The following KCNK1 variants were observed in gnomAD, a reference collection of about 807,000 sequenced individuals.
KCNK1 encodes potassium two pore domain channel subfamily K member 1.
KCNK1 carries 10 observed loss-of-function variants against 22.2 expected under a neutral mutation model. That is an observed-to-expected ratio of 0.45 (90% CI 0.28 to 0.76). The LOEUF (loss-of-function observed/expected upper bound fraction) is 0.76. KCNK1 is among the 30% of genes least tolerant of loss of function. KCNK1 has a pLI of 0.14. For synonymous variants in KCNK1, 200 were observed against 186.4 expected (o/e 1.07, Z -0.60); for missense variants, 378 against 421.0 (o/e 0.90, Z 0.89).
intron 1 of KCNK1, chr1:233,631,275 C>T (rs1478405895): frequency 3.8e-6 from 2 of 531,314 alleles, no homozygotes; most frequent in Non-Finnish European, 7.7e-6. Flanking sequence ...CTGACAACAT[C>T]AAGATATGAA....
chr1:233,650,882 G>A (rs79023372), intron 1 of KCNK1, among the ~76,000 whole-genome samples: 2,662 of 152,098 alleles, frequency 0.018, 76 homozygotes, highest in East Asian at 0.14. Context: ...CAAAATGGAC[G>A]CCACGTTTCC....
intron 1 of KCNK1, among the ~76,000 whole-genome samples, chr1:233,652,550 G>A (rs1284516041): frequency 6.6e-6 from 1 of 152,190 alleles, no homozygotes; most frequent in South Asian, 2.1e-4. Context: ...CATACCGAAT[G>A]CTTTCCTTTC....
At chr1:233,642,042 T>C (rs1381981842) in intron 1 of KCNK1, among the ~76,000 whole-genome samples, 1 of 152,042 alleles carries the variant, frequency 6.6e-6, no homozygotes, top group Non-Finnish European at 1.5e-5. Context: ...GTGGGCAGGA[T>C]ACCTTATGTG....
intron 1 of KCNK1, among the ~76,000 whole-genome samples, chr1:233,648,253 GA>G (rs1658132017): frequency 6.6e-6 from 1 of 152,152 alleles, no homozygotes; most frequent in South Asian, 2.1e-4. Flanking sequence ...TTGTCCAAAT[GA>G]AAAACTGTGT....
chr1:233,654,707 G>A (rs767215291), intron 1 of KCNK1, among the ~76,000 whole-genome samples: 10 of 152,132 alleles, frequency 6.6e-5, no homozygotes, highest in Non-Finnish European at 7.4e-5. Context: ...AAACCCAGGA[G>A]TTTGAGACTT....
At position 233,614,204 on chromosome 1, in the gene KCNK1, G is replaced by T; in HGVS notation, c.33G>T (p.Val11=). The change falls in exon 1 of 3, where the codon GTG becomes GTT. Residue 11 remains valine (V), a synonymous_variant. Coordinates refer to ENST00000366621, the MANE Select transcript of KCNK1 (RefSeq NM_002245.4). MLQSLAGSSC[V]RLVERHRSAW... is the part of the protein sequence containing the mutation. ...AGTCCCTGGCCGGCAGCTCGTGCGT[G>T]CGCCTGGTGGAGCGGCACCGCTCGG... is the stretch of plus-strand genomic sequence containing the variant. 3 of 1,608,948 alleles carry T rather than the reference G, an allele frequency of 1.9e-6. No individual in the cohort carries two copies. The highest frequency in any genetic ancestry group is 1.7e-6 in the Non-Finnish European group (2 of 1,179,620).
chr1:233,620,484 C>T (rs1657563278), intron 1 of KCNK1, among the ~76,000 whole-genome samples: 1 of 152,204 alleles, frequency 6.6e-6, no homozygotes, highest in Non-Finnish European at 1.5e-5. Context: ...ATGCCACTTA[C>T]TTGTGATCCA....
rs371437028 is a variant in KCNK1, at chr1:233,671,287, C to T, written c.768C>T (p.Gly256=). Residue 256 remains glycine, a synonymous_variant, in exon 3 of 3, where the codon GGC becomes GGT. Transcript: ENST00000366621. ...KIGITCYLLL[G]LIAMLVVLET... ...CTCACACAGGTTACCTGCTACTTGG[C>T]CTTATTGCCATGTTGGTAGTTCTGG... 213 of 1,614,004 alleles carry T rather than the reference C, an allele frequency of 1.3e-4. No individual in the cohort carries two copies. Among genetic ancestry groups the T allele is most frequent in the Admixed American group, 3.0e-4 (18 of 60,012 alleles).
chr1:233,655,467 G>C (rs1374900068), intron 1 of KCNK1, among the ~76,000 whole-genome samples: 5 of 152,170 alleles, frequency 3.3e-5, no homozygotes, highest in Non-Finnish European at 5.9e-5. Flanking sequence ...TGGACTGAAT[G>C]CATTTTGCGT....
intron 1 of KCNK1, among the ~76,000 whole-genome samples, chr1:233,640,632 C>T (rs1657984135): frequency 6.6e-6 from 1 of 152,028 alleles, no homozygotes; most frequent in African/African-American, 2.4e-5. Context: ...TAAATTGTTC[C>T]AAAAGAAGTG....
chr1:233,647,572 C>T (rs1189946713), intron 1 of KCNK1, among the ~76,000 whole-genome samples: 1 of 152,132 alleles, frequency 6.6e-6, no homozygotes, highest in Non-Finnish European at 1.5e-5. Flanking sequence ...TCGGTGCTCT[C>T]CTTAGGGCCT....
chr1:233,627,191 T>C (rs1344719358), intron 1 of KCNK1, among the ~76,000 whole-genome samples: 1 of 152,346 alleles, frequency 6.6e-6, no homozygotes, highest in South Asian at 2.1e-4. Context: ...CCCATGAGTA[T>C]AACAGGGCTG....
chr1:233,615,645 T>C (rs1194543889), intron 1 of KCNK1, among the ~76,000 whole-genome samples: 1 of 152,202 alleles, frequency 6.6e-6, no homozygotes, highest in African/African-American at 2.4e-5. Context: ...GTGATTTCTC[T>C]GCCAGGACCA....
rs180685217 is a variant in KCNK1, at chr1:233,648,828, A to G, written c.356-17767A>G. On this transcript the variant is annotated intron_variant, in intron 1 of 2. Transcript: ENST00000366621. ...GTGATCCACCTGCCTTGGCCCCCCA[A>G]AGTGCTGGGATTATAGGCGTGAACC... Among the ~76,000 whole-genome samples, 28 of 152,212 alleles carry G rather than the reference A, an allele frequency of 1.8e-4. No individual in the cohort carries two copies. In the East Asian group the frequency reaches 4.5e-3, roughly 24 times the overall value.
chr1:233,621,458 A>C (rs987022323), intron 1 of KCNK1, among the ~76,000 whole-genome samples: 1 of 152,262 alleles, frequency 6.6e-6, no homozygotes, highest in African/African-American at 2.4e-5. Context: ...CAAGAGACAG[A>C]ATCTTTTAAG....
chr1:233,614,141 G>A lies in KCNK1; in HGVS notation c.-31G>A, dbSNP rs1296629599. 11 of 1,500,032 alleles carry A rather than the reference G, an allele frequency of 7.3e-6. No individual in the cohort carries two copies. In the African/African-American group the frequency reaches 1.1e-4, roughly 14 times the overall value. The allele number at this position is 1,500,032 out of a possible 1,614,324, so 92.9% of individuals were successfully genotyped here. A position where few individuals can be genotyped will look rare whatever the true frequency, so the allele number is the denominator to read the frequency against. Reference sequence around the variant, plus strand: ...GCGGGCCGCGCTCCGGCCGGTCTGCGGCGTTGGCCTTGGCGGCGGCGGTGG... The same window carrying A: ...GCGGGCCGCGCTCCGGCCGGTCTGCAGCGTTGGCCTTGGCGGCGGCGGTGG... On this transcript the variant is annotated 5_prime_UTR_variant, in exon 1 of 3. Transcript: ENST00000366621.
rs199630093 is a variant in KCNK1, at chr1:233,666,783, G to A, written c.544G>A (p.Val182Ile). The change falls in exon 2 of 3, where the codon GTC becomes ATC. Residue 182 changes from valine (V) to isoleucine (I), a missense_variant. By Grantham distance (29) the Val-to-Ile change is conservative (BLOSUM62 3). Coordinates refer to ENST00000366621, the MANE Select transcript of KCNK1 (RefSeq NM_002245.4). ...CTTCTCCAAGCAGGTGGTGGCCATC[G>A]TCCATGCCGTGCTCCTTGGGTTTGT... ...WGFSKQVVAI[V>I]HAVLLGFVTV... 19 of 1,614,182 alleles carry A rather than the reference G, an allele frequency of 1.2e-5. No individual in the cohort carries two copies. The Admixed American group carries it at 1.8e-4, about 16-fold the overall frequency.
At chr1:233,623,453 A>G (rs1004045585) in intron 1 of KCNK1, among the ~76,000 whole-genome samples, 3 of 152,246 alleles carry the variant, frequency 2.0e-5, no homozygotes, top group Non-Finnish European at 4.4e-5. Flanking sequence ...ACACAAAGAA[A>G]TGATAAACAT....
At chr1:233,654,943 A>G (rs980945532) in intron 1 of KCNK1, among the ~76,000 whole-genome samples, 7 of 152,202 alleles carry the variant, frequency 4.6e-5, no homozygotes, top group African/African-American at 1.7e-4. Flanking sequence ...TGGGACCTCC[A>G]CAGAGAGCCC....
Sources: allele counts gnomAD v4.1 joint callset (sites outside exome capture counted in the v4.1 genomes callset), GRCh38; gene constraint gnomAD v4.1.1; transcripts MANE v1.5; gene names NCBI Gene and HGNC (gene_info 2026-07-23, HGNC 2026-07-21).